The following FANCA variants were observed in gnomAD, a reference collection of about 807,000 sequenced individuals.
FANCA encodes FA complementation group A, also known as Fanconi anemia group A protein.
A neutral mutation model predicts 194.3 loss-of-function variants in FANCA; 236 were observed. The observed-to-expected ratio is 1.21, with a 90% confidence interval of 1.09 to 1.35. FANCA has a LOEUF of 1.35. Ranked by LOEUF, FANCA falls within the 40% of genes most tolerant of loss-of-function variation. The probability of loss-of-function intolerance (pLI) is 0.00; values close to 1 mark genes in which losing one functional copy is unlikely to be tolerated. For missense variants in FANCA, 2,628 were observed against 1,813.9 expected (o/e 1.45, Z -8.15); for synonymous variants, 1,014 against 715.8 (o/e 1.42, Z -6.65).
chr16:89,792,064 AAG>A lies in FANCA; in HGVS notation c.1086_1087del (p.Phe363CysfsTer45). ...CAACTCCTCTGCACTCAGCATCACA[AAG>A]AGCTGAAATAAAAGCATCCGCTCCC... On this transcript the variant is annotated frameshift_variant and splice_region_variant, in exon 13 of 43. Coordinates refer to ENST00000389301, the MANE Select transcript of FANCA (RefSeq NM_000135.4). LOFTEE classifies it high-confidence loss of function. The A allele has an allele frequency of 6.2e-7, 1 of 1,614,152 alleles. No individual in the cohort carries two copies. The highest frequency in any genetic ancestry group is 8.5e-7 in the Non-Finnish European group (1 of 1,180,020).
At chr16:89,775,976 T>A (rs1270011453) in intron 20 of FANCA, among the ~76,000 whole-genome samples, 161 bp from the exon 21 acceptor site, 1 of 151,604 alleles carries the variant, frequency 6.6e-6, no homozygotes, top group Admixed American at 6.6e-5. Context: ...TATTAAAAAA[T>A]ATATATAGAT....
chr16:89,765,847 G>C (rs1328387642), intron 27 of FANCA, among the ~76,000 whole-genome samples: 1 of 152,156 alleles, frequency 6.6e-6, no homozygotes, highest in Non-Finnish European at 1.5e-5. Context: ...TTCCTCAGAG[G>C]AAATAACTGG....
chr16:89,768,927 T>G (rs2039222829), intron 26 of FANCA, among the ~76,000 whole-genome samples: 1 of 151,092 alleles, frequency 6.6e-6, no homozygotes, highest in African/African-American at 2.4e-5. Context: ...TACTCAGTGT[T>G]TGGGGCCTGG....
intron 28 of FANCA, among the ~76,000 whole-genome samples, chr16:89,763,616 A>G (rs917014375): frequency 5.9e-5 from 9 of 152,138 alleles, no homozygotes; most frequent in Admixed American, 5.9e-4. Flanking sequence ...CTGAGTGACC[A>G]CCACACAGCC....
At position 89,799,634 on chromosome 16, in the gene FANCA, G is replaced by C; in HGVS notation, c.797C>G (p.Thr266Arg). 1 of 1,612,868 alleles carries C rather than the reference G, an allele frequency of 6.2e-7. No individual in the cohort carries two copies. Among genetic ancestry groups the C allele is most frequent in the East Asian group, 2.2e-5 (1 of 44,872 alleles). The change falls in exon 9 of 43, where the codon ACG becomes AGG. Residue 266 changes from threonine (T) to arginine (R), a missense_variant. By Grantham distance (71) the Thr-to-Arg change is moderately conservative. Transcript: ENST00000389301. Reference sequence around the variant, plus strand: ...CAGCATTCTCTGCAGTACATCAACCGTGACCTGTCAAAATAGAATGTGAGT... The same window carrying C: ...CAGCATTCTCTGCAGTACATCAACCCTGACCTGTCAAAATAGAATGTGAGT... ...TVEPEKMPQVTVDVLQRMLIF... is the reference protein window; with the variant it reads ...TVEPEKMPQVRVDVLQRMLIF...
chr16:89,758,157 C>A (rs943914492), intron 30 of FANCA, among the ~76,000 whole-genome samples: 1 of 152,118 alleles, frequency 6.6e-6, no homozygotes, highest in Non-Finnish European at 1.5e-5. Context: ...ACGCCCAGCC[C>A]GAAGTTGTCG....
At chr16:89,777,589 G>T (rs2039552781) in intron 20 of FANCA, among the ~76,000 whole-genome samples, 1 of 151,484 alleles carries the variant, frequency 6.6e-6, no homozygotes, top group African/African-American at 2.4e-5. Flanking sequence ...AAAAAAAAAG[G>T]CTCTTTGTGT....
intron 17 of FANCA, among the ~76,000 whole-genome samples, chr16:89,781,824 C>G (rs527937321): frequency 6.6e-6 from 1 of 150,646 alleles, no homozygotes; most frequent in African/African-American, 2.4e-5. Flanking sequence ...GTGGTGAAAC[C>G]TCATCTCTAC....
intron 22 of FANCA, among the ~76,000 whole-genome samples, chr16:89,772,705 G>A (rs2039365330): frequency 6.6e-6 from 1 of 150,942 alleles, no homozygotes; most frequent in Admixed American, 6.6e-5. Flanking sequence ...TGTAATCCTA[G>A]CAACTTGGGA....
chr16:89,792,598 TGG>T (rs2040113208), intron 11 of FANCA, 51 bp from the exon 12 acceptor site: 4 of 1,537,338 alleles, frequency 2.6e-6, no homozygotes, highest in Non-Finnish European at 2.6e-6. Flanking sequence ...CAAAAAGTTG[TGG>T]GTTTTTGTTA....
At chr16:89,763,994 C>T (rs2039041671) in intron 28 of FANCA, among the ~76,000 whole-genome samples, 1 of 151,790 alleles carries the variant, frequency 6.6e-6, no homozygotes. Flanking sequence ...GTAATTCCAG[C>T]ATTTTGGGAG....
At chr16:89,770,083 G>C (rs771708134) in intron 25 of FANCA, 59 bp from the exon 26 acceptor site, 6 of 1,590,474 alleles carry the variant, frequency 3.8e-6, no homozygotes, top group African/African-American at 1.3e-5. Context: ...GAATTTTCCA[G>C]GGCACTGAAG....
At chr16:89,745,184 G>A (rs897914036) in intron 35 of FANCA, 113 bp from the exon 36 acceptor site, 21 of 993,008 alleles carry the variant, frequency 2.1e-5, no homozygotes, top group Admixed American at 4.0e-5. Context: ...GCCCACACTC[G>A]CCCTGCGCTC....
intron 8 of FANCA, among the ~76,000 whole-genome samples, chr16:89,801,949 C>A (rs980749113): frequency 6.6e-6 from 1 of 152,120 alleles, no homozygotes; most frequent in African/African-American, 2.4e-5. Context: ...AATCCCATTA[C>A]TGGGCTTACA....
intron 33 of FANCA, among the ~76,000 whole-genome samples, chr16:89,747,673 C>T (rs899951239): frequency 1.3e-5 from 2 of 151,994 alleles, no homozygotes; most frequent in Non-Finnish European, 2.9e-5. Context: ...TGCACTCCAG[C>T]CTGGGCGACA....
intron 8 of FANCA, among the ~76,000 whole-genome samples, chr16:89,801,781 G>A (rs1190944567): frequency 2.6e-5 from 4 of 151,336 alleles, no homozygotes; most frequent in South Asian, 2.1e-4. Flanking sequence ...CCAGCTATTC[G>A]GGAGGCTGAG....
At position 89,752,512 on chromosome 16, in the gene FANCA, G is replaced by A. The variant is rs1056510379; in HGVS notation, c.2982-290C>T. Among the ~76,000 whole-genome samples, 3 of 152,276 alleles carry A rather than the reference G, an allele frequency of 2.0e-5. No homozygotes were observed. The Middle Eastern group carries it at 0.01, about 518-fold the overall frequency. On this transcript the variant is annotated intron_variant, in intron 30 of 42. Coordinates refer to ENST00000389301, the MANE Select transcript of FANCA (RefSeq NM_000135.4). Reference sequence around the variant, plus strand: ...GAGACAGAGGACACGAGCTGTTCCAGTATAATAAAATATAAAACAAGAATA... The same window carrying A: ...GAGACAGAGGACACGAGCTGTTCCAATATAATAAAATATAAAACAAGAATA...
chr16:89,750,007 G>C (rs2038527775), intron 31 of FANCA, 105 bp from the exon 32 acceptor site: 3 of 1,170,444 alleles, frequency 2.6e-6, no homozygotes, highest in South Asian at 1.2e-5. Flanking sequence ...ACAGTGGACA[G>C]GGCAAGAAGG....
In FANCA at chr16:89,799,211, G is replaced by T; in HGVS notation, c.848C>A (p.Ala283Asp). The stretch of plus-strand genomic sequence containing the variant: ...AGTGGAGGACTCCTCCTGTACTCCA[G>T]CAGCCAAAGCGTCAAGTGCAACTGA... ...MLIFALDALAAGVQEESSTHK... is the reference protein window; with the variant it reads ...MLIFALDALADGVQEESSTHK... The change falls in exon 10 of 43, where the codon GCT (alanine) becomes GAT (aspartate). Residue 283 changes from alanine (A) to aspartate (D), a missense_variant. By Grantham distance (126) the Ala-to-Asp change is moderately radical. Transcript: ENST00000389301. 1.2e-6 allele frequency: 2 copies of T among 1,614,096 alleles called. No homozygotes were observed. The highest frequency in any genetic ancestry group is 1.7e-4 in the Middle Eastern group (1 of 6,058).
Sources: gnomAD v4.1 joint callset for allele counts (sites outside exome capture counted in the v4.1 genomes callset) on GRCh38, gnomAD v4.1.1 for gene constraint, MANE v1.5 for transcripts, NCBI Gene and HGNC (gene_info 2026-07-23, HGNC 2026-07-21) for gene names.